ZFHX3: variants seen among roughly 807,000 people sequenced by gnomAD.
ZFHX3 encodes zinc finger homeobox protein 3.
In ZFHX3, 42 loss-of-function variants were observed where a neutral mutation model predicts 279.1. The ratio of observed to expected loss-of-function variants is 0.15; its 90% CI spans 0.12 to 0.19. The LOEUF (loss-of-function observed/expected upper bound fraction) is 0.19, where lower values mean the gene tolerates loss of function less well. ZFHX3 is among the 10% of genes least tolerant of loss of function. ZFHX3 has a pLI of 1.00. For missense variants in ZFHX3, 4,981 were observed against 4,754.0 expected (o/e 1.05, Z -1.40); for synonymous variants, 2,293 against 1,957.8 (o/e 1.17, Z -4.52).
intron 6 of ZFHX3, among the ~76,000 whole-genome samples, chr16:73,134,822 T>C (rs1966761421): frequency 1.3e-5 from 2 of 152,168 alleles, no homozygotes; most frequent in South Asian, 2.1e-4. Flanking sequence ...GAGGTGATGT[T>C]TGCTACTTTT....
chr16:73,751,101 C>A (rs2053758257), intron 1 of ZFHX3, among the ~76,000 whole-genome samples: 1 of 152,124 alleles, frequency 6.6e-6, no homozygotes, highest in African/African-American at 2.4e-5. Flanking sequence ...ATAAACAGAC[C>A]TGGTTTCCCA....
intron 2 of ZFHX3, among the ~76,000 whole-genome samples, chr16:73,632,716 T>C (rs1963347387): frequency 6.7e-6 from 1 of 148,856 alleles, no homozygotes; most frequent in African/African-American, 2.5e-5. Context: ...AAAGTCATGA[T>C]TCTGTGGACT....
chr16:73,548,619 T>A (rs1055289613), intron 2 of ZFHX3, among the ~76,000 whole-genome samples: 1 of 152,046 alleles, frequency 6.6e-6, no homozygotes, highest in Non-Finnish European at 1.5e-5. Flanking sequence ...GTACATTTTT[T>A]TAAAAATCAT....
chr16:72,967,769 A>G (rs1961915434), intron 1 of ZFHX3, among the ~76,000 whole-genome samples: 1 of 151,368 alleles, frequency 6.6e-6, no homozygotes, highest in Non-Finnish European at 1.5e-5. Flanking sequence ...ACAAAAAAAA[A>G]AAAAAAAAAT....
intron 1 of ZFHX3, among the ~76,000 whole-genome samples, chr16:73,882,117 A>C (rs1466198493): frequency 2.6e-5 from 4 of 152,194 alleles, no homozygotes; most frequent in Admixed American, 1.3e-4. Flanking sequence ...AAGACTAATT[A>C]GCTTTTAAAA....
chr16:73,455,851 G>A (rs2143569497), intron 3 of ZFHX3, among the ~76,000 whole-genome samples: 2 of 151,736 alleles, frequency 1.3e-5, no homozygotes, highest in South Asian at 2.1e-4. Flanking sequence ...CCTTTCACCT[G>A]GGTTGGTACG....
intron 4 of ZFHX3, among the ~76,000 whole-genome samples, chr16:73,301,972 A>G (rs548428124): frequency 2.6e-5 from 4 of 152,122 alleles, no homozygotes; most frequent in Admixed American, 2.6e-4. Context: ...GCAAGCCACA[A>G]ACCCACGCAG....
chr16:73,141,398 A>ATTT lies in ZFHX3; in HGVS notation c.-1024+2351_-1024+2353dup, dbSNP rs34599739. 1.9e-4 allele frequency among the ~76,000 whole-genome samples: 28 copies of ATTT among 144,676 alleles called. 1 individual carries two copies. Among genetic ancestry groups the ATTT allele is most frequent in the Admixed American group, 1.3e-3 (19 of 14,364 alleles). The allele number at this position is 144,676 out of a possible 152,430, so 94.9% of individuals were successfully genotyped here. ...AGCACTGTGCTAATCTCTTTAAATAATTTTTTTTTTTTTTTCAGAGACGGG... is the reference window on the plus strand; with the variant it reads ...AGCACTGTGCTAATCTCTTTAAATAATTTTTTTTTTTTTTTTTTCAGAGACGGG... On this transcript the variant is annotated intron_variant, in intron 6 of 17. Coordinates refer to the ZFHX3 transcript ENST00000641206.
chr16:73,127,597 G>A (rs1337072296), intron 7 of ZFHX3: 1 of 1,298,386 alleles, frequency 7.7e-7, no homozygotes, highest in South Asian at 1.2e-5. Flanking sequence ...TGACCACGGA[G>A]CACTGCTGGC....
At chr16:73,267,404 G>A (rs1156897732) in intron 4 of ZFHX3, among the ~76,000 whole-genome samples, 1 of 152,032 alleles carries the variant, frequency 6.6e-6, no homozygotes, top group Non-Finnish European at 1.5e-5. Context: ...GAGTACTTCC[G>A]ACTCGGTTTG....
rs2035966461 is a variant in ZFHX3, at chr16:72,797,805, G to A, written c.4877C>T (p.Ala1626Val). ...GCCACTTGCAGCCTCCAGCTTGGCT[G>A]CCCGGGCCTTGGTTTGATGTAACAC... ...RSVLHQTKAR[A>V]AKLEAASGSS... Residue 1626 changes from alanine to valine, a missense_variant, in exon 9 of 10, where the codon GCA becomes GTA. Ala to Val is a moderately conservative substitution (Grantham distance 64, BLOSUM62 0). Transcript: ENST00000268489. 1 of 1,614,140 alleles carries A rather than the reference G, an allele frequency of 6.2e-7. No individual in the cohort carries two copies. The highest frequency in any genetic ancestry group is 8.5e-7 in the Non-Finnish European group (1 of 1,180,036).
chr16:73,163,175 A>G (rs138359137), intron 5 of ZFHX3, among the ~76,000 whole-genome samples: 93 of 152,316 alleles, frequency 6.1e-4, no homozygotes, highest in African/African-American at 2.2e-3. Flanking sequence ...TCTATTCACA[A>G]TAAATATACA....
At chr16:73,799,957 G>A (rs72803160) in intron 1 of ZFHX3, among the ~76,000 whole-genome samples, 2,348 of 152,144 alleles carry the variant, frequency 0.015, 37 homozygotes, top group Middle Eastern at 0.031. Context: ...CACTTTGGGA[G>A]GCCGAGGAGG....
chr16:72,964,428 G>A (rs56057725), intron 1 of ZFHX3, among the ~76,000 whole-genome samples: 7 of 152,262 alleles, frequency 4.6e-5, no homozygotes, highest in Non-Finnish European at 7.4e-5. Context: ...AGCACATATA[G>A]GTATTATGGA....
At chr16:72,832,736 G>A (rs1418906684) in intron 4 of ZFHX3, among the ~76,000 whole-genome samples, 1 of 151,852 alleles carries the variant, frequency 6.6e-6, no homozygotes, top group Non-Finnish European at 1.5e-5. Context: ...ACCTACAGGT[G>A]TCGCCCTCCG....
chr16:73,695,243 T>TG (rs1555532908), intron 1 of ZFHX3, among the ~76,000 whole-genome samples: 4 of 16,618 alleles, frequency 2.4e-4, no homozygotes, highest in South Asian at 2.6e-3. Context: ...TTTTTTTTTG[T>TG]TTTTTTTTTT....
chr16:73,801,552 A>G (rs573040954), intron 1 of ZFHX3, among the ~76,000 whole-genome samples: 1 of 152,354 alleles, frequency 6.6e-6, no homozygotes, highest in Non-Finnish European at 1.5e-5. Context: ...GAGTTTCGAC[A>G]CTGCTGCTAA....
intron 1 of ZFHX3, among the ~76,000 whole-genome samples, chr16:72,991,700 A>G (rs1178188280): frequency 6.6e-6 from 1 of 152,246 alleles, no homozygotes; most frequent in Non-Finnish European, 1.5e-5. Context: ...TTTGAGGCTC[A>G]GAGAAGCAGA....
At chr16:73,541,890 C>T (rs940775080) in intron 2 of ZFHX3, among the ~76,000 whole-genome samples, 20 of 148,926 alleles carry the variant, frequency 1.3e-4, no homozygotes, top group Non-Finnish European at 2.5e-4. Flanking sequence ...CAACCTCTGC[C>T]TCCTGGGTTA....
Sources: gnomAD v4.1 joint callset for allele counts (sites outside exome capture counted in the v4.1 genomes callset) on GRCh38, gnomAD v4.1.1 for gene constraint, MANE v1.5 for transcripts, NCBI Gene and HGNC (gene_info 2026-07-23, HGNC 2026-07-21) for gene names.